The following DNAH14 variants were observed in gnomAD, a reference collection of about 807,000 sequenced individuals.
DNAH14 encodes dynein axonemal heavy chain 14, also known as axonemal beta dynein heavy chain 14.
In DNAH14, 478 loss-of-function variants were observed where a neutral mutation model predicts 520.9. That is an observed-to-expected ratio of 0.92 (90% CI 0.85 to 0.99). DNAH14 has a LOEUF of 0.99. DNAH14 is among the 50% of genes least tolerant of loss of function. The probability of loss-of-function intolerance (pLI) is 0.00; values close to 1 mark genes in which losing one functional copy is unlikely to be tolerated. For missense variants in DNAH14, 4,831 were observed against 5,234.5 expected (o/e 0.92, Z 2.38); for synonymous variants, 1,581 against 1,757.2 (o/e 0.90, Z 2.51).
At chr1:225,270,421 T>C (rs1047818226) in intron 49 of DNAH14, among the ~76,000 whole-genome samples, 1 of 152,066 alleles carries the variant, frequency 6.6e-6, no homozygotes, top group African/African-American at 2.4e-5. Flanking sequence ...TGTATACATA[T>C]ATAACAAACC....
At chr1:225,335,500 T>G (rs1349495978) in intron 66 of DNAH14, among the ~76,000 whole-genome samples, 1 of 148,666 alleles carries the variant, frequency 6.7e-6, no homozygotes, top group Non-Finnish European at 1.5e-5. Flanking sequence ...CGTGTGTACA[T>G]GTACACATAT....
chr1:225,388,369 A>G lies in DNAH14; in HGVS notation c.13078-10A>G. 6.7e-7 allele frequency: 1 copy of G among 1,483,816 alleles called. No homozygotes were observed. The highest frequency in any genetic ancestry group is 9.1e-7 in the Non-Finnish European group (1 of 1,093,488). The allele number at this position is 1,483,816 out of a possible 1,614,324, so 91.9% of individuals were successfully genotyped here. ...AAAAAAATGATGTGACTGTCTTTAA[A>G]TCCCAACAGAAACACGCCTACAGAT... is the stretch of plus-strand genomic sequence containing the variant. On this transcript the variant is annotated splice_polypyrimidine_tract_variant and intron_variant, in intron 81 of 85. Transcript: ENST00000682510.
At chr1:225,047,251 C>T (rs1012040783) in intron 15 of DNAH14, among the ~76,000 whole-genome samples, 13 of 152,136 alleles carry the variant, frequency 8.5e-5, no homozygotes, top group African/African-American at 2.9e-4. Flanking sequence ...TTCATTCTAG[C>T]CTTTTCTTTT....
At chr1:225,059,542 G>A (rs570046720) in intron 17 of DNAH14, among the ~76,000 whole-genome samples, 4 of 152,314 alleles carry the variant, frequency 2.6e-5, no homozygotes, top group Admixed American at 6.5e-5. Context: ...GGTTAATATC[G>A]TTATGTGTGA....
chr1:224,963,823 T>C (rs1489657733), intron 4 of DNAH14, among the ~76,000 whole-genome samples: 2 of 152,104 alleles, frequency 1.3e-5, no homozygotes, highest in African/African-American at 2.4e-5. Context: ...ATACAAGAGC[T>C]CAAGTCTCAT....
chr1:225,182,586 A>G (rs1439088871), intron 36 of DNAH14, among the ~76,000 whole-genome samples: 1 of 152,128 alleles, frequency 6.6e-6, no homozygotes, highest in East Asian at 1.9e-4. Context: ...AGTAGAAAGA[A>G]CAGTCTCACA....
At position 225,346,129 on chromosome 1, in the gene DNAH14, CTAG is replaced by C; in HGVS notation, c.10850_10852del (p.Val3617del). On this transcript the variant is annotated inframe_deletion, in exon 70 of 86. Transcript: ENST00000682510. Reference sequence around the variant, plus strand: ...GACCCGAGGCGCCCTGCTCTACTTCCTAGTAGCTGATCTCACACAAATCAACTA... The same window carrying C: ...GACCCGAGGCGCCCTGCTCTACTTCCTAGCTGATCTCACACAAATCAACTA... The C allele has an allele frequency of 6.4e-7, 1 of 1,551,696 alleles. No homozygotes were observed. Among genetic ancestry groups the C allele is most frequent in the Non-Finnish European group, 8.7e-7 (1 of 1,146,974 alleles).
intron 66 of DNAH14, among the ~76,000 whole-genome samples, chr1:225,336,020 C>CAT (rs1354695845): frequency 8.9e-5 from 11 of 123,312 alleles, no homozygotes; most frequent in South Asian, 5.3e-4. Flanking sequence ...CGCATATATG[C>CAT]ATATATGTAT....
intron 66 of DNAH14, among the ~76,000 whole-genome samples, chr1:225,335,361 ACGTGTACATG>A (rs2094933155): frequency 3.0e-5 from 2 of 67,256 alleles, no homozygotes; most frequent in East Asian, 7.2e-4. Flanking sequence ...ATGCATATAC[ACGTGTACATG>A]TGTGTGTATA....
At chr1:224,972,712 G>A (rs546248488) in intron 7 of DNAH14, among the ~76,000 whole-genome samples, 1 of 152,278 alleles carries the variant, frequency 6.6e-6, no homozygotes, top group Non-Finnish European at 1.5e-5. Flanking sequence ...TGATCCGCCT[G>A]CCTTGGCCTC....
At chr1:225,173,290 A>G (rs939739279) in intron 36 of DNAH14, among the ~76,000 whole-genome samples, 7 of 152,360 alleles carry the variant, frequency 4.6e-5, no homozygotes, top group African/African-American at 1.4e-4. Flanking sequence ...GCTTCTGCAC[A>G]GCAAAAGAAA....
chr1:225,381,268 CA>C, intron 80 of DNAH14, 114 bp from the exon 81 acceptor site: 2 of 1,036,418 alleles, frequency 1.9e-6, no homozygotes, highest in Non-Finnish European at 2.8e-6. Flanking sequence ...AAATGTTTAT[CA>C]ACCCCTGGTC....
intron 10 of DNAH14, among the ~76,000 whole-genome samples, chr1:225,009,597 T>C (rs551165059): frequency 6.6e-6 from 1 of 152,326 alleles, no homozygotes; most frequent in South Asian, 2.1e-4. Flanking sequence ...GGCTCTTTTT[T>C]GGTTCCATAT....
intron 23 of DNAH14, among the ~76,000 whole-genome samples, chr1:225,105,451 C>T (rs1486621436): frequency 3.3e-5 from 5 of 152,120 alleles, no homozygotes; most frequent in African/African-American, 9.7e-5. Flanking sequence ...TGTTAACTTT[C>T]TGTCTTGTTG....
At chr1:225,082,451 T>A in intron 19 of DNAH14, 98 bp from the exon 20 acceptor site, 1 of 986,478 alleles carries the variant, frequency 1.0e-6, no homozygotes, top group Non-Finnish European at 1.4e-6. Flanking sequence ...AAGTAGTTTT[T>A]AACAAATTTT....
intron 8 of DNAH14, among the ~76,000 whole-genome samples, chr1:224,986,278 G>A (rs2062629294): frequency 7.2e-6 from 1 of 139,206 alleles, no homozygotes; most frequent in Non-Finnish European, 1.5e-5. Context: ...ATTGTATGAG[G>A]ACAGTATTAC....
intron 22 of DNAH14, 39 bp from the exon 23 acceptor site, chr1:225,100,674 T>C: frequency 6.9e-7 from 1 of 1,440,242 alleles, no homozygotes; most frequent in Non-Finnish European, 9.2e-7. Flanking sequence ...TCATAGTGCC[T>C]TAAAAAAAAT....
intron 1 of DNAH14, among the ~76,000 whole-genome samples, chr1:224,945,723 G>T (rs71527018): frequency 6.6e-6 from 1 of 152,292 alleles, no homozygotes; most frequent in Non-Finnish European, 1.5e-5. Context: ...GGACCCTCAG[G>T]TGCAGGTCTG....
At chr1:225,024,933 T>C (rs1480431390) in intron 11 of DNAH14, among the ~76,000 whole-genome samples, 1 of 152,186 alleles carries the variant, frequency 6.6e-6, no homozygotes, top group Non-Finnish European at 1.5e-5. Context: ...TTTTATATGA[T>C]TTTTGTAGTC....
Sources: allele counts gnomAD v4.1 joint callset (sites outside exome capture counted in the v4.1 genomes callset), GRCh38; gene constraint gnomAD v4.1.1; transcripts MANE v1.5; gene names NCBI Gene and HGNC (gene_info 2026-07-23, HGNC 2026-07-21).